C1GALT1: variants seen among roughly 807,000 people sequenced by gnomAD.
C1GALT1 encodes the protein glycoprotein-N-acetylgalactosamine 3-beta-galactosyltransferase 1.
C1GALT1 carries 11 observed loss-of-function variants against 31.0 expected under a neutral mutation model. That is an observed-to-expected ratio of 0.36 (90% CI 0.22 to 0.59). The LOEUF is 0.59. Ranked by LOEUF, C1GALT1 falls within the 20% of genes least tolerant of loss-of-function variation. C1GALT1 has a pLI of 0.79. For synonymous variants in C1GALT1, 175 were observed against 143.6 expected, an observed-to-expected ratio of 1.22 and a Z score of -1.56; for missense variants, 424 against 425.2, an observed-to-expected ratio of 1.00 and a Z score of 0.03.
At chr7:7,189,483 C>A (rs76603002) in intron 1 of C1GALT1, among the ~76,000 whole-genome samples, 4,424 of 150,036 alleles carry the variant, frequency 0.029, 127 homozygotes, top group African/African-American at 0.08. Flanking sequence ...AAAATAATAT[C>A]TCTTCATTTG....
At chr7:7,191,514 A>G (rs1353001868) in intron 1 of C1GALT1, among the ~76,000 whole-genome samples, 3 of 152,152 alleles carry the variant, frequency 2.0e-5, no homozygotes, top group African/African-American at 7.2e-5. Flanking sequence ...TTGCTGGATC[A>G]TATGGTAATT....
rs1456666024 is a variant in C1GALT1 at position 7,247,557 on chromosome 7, T to C, written c.*3830T>C. 2 of 152,136 alleles carry C rather than the reference T, an allele frequency of 1.3e-5. No homozygotes were observed. Among genetic ancestry groups the C allele is most frequent in the East Asian group, 1.9e-4 (1 of 5,202 alleles). The allele number at this position is 152,136 out of a possible 1,614,324, so 9.4% of individuals were successfully genotyped here. On this transcript the variant is annotated 3_prime_UTR_variant, in exon 4 of 4. Coordinates refer to ENST00000436587, the MANE Select transcript of C1GALT1 (RefSeq NM_020156.5). ...TGGTTATTTTCACAATTTTCTTGAA[T>C]ATTAATTTTTCACTTCTTTGAGACT...
In C1GALT1 at chr7:7,247,998, T is replaced by C. The variant is rs1447992776; in HGVS notation, c.*4271T>C. Reference sequence around the variant, plus strand: ...AAAGGAAGTAAAGTTATTTGGGTTCTTCCACTCACCCTTTTCTCAAAAACA... The same window carrying C: ...AAAGGAAGTAAAGTTATTTGGGTTCCTCCACTCACCCTTTTCTCAAAAACA... On this transcript the variant is annotated 3_prime_UTR_variant, in exon 4 of 4. Coordinates refer to ENST00000436587, the MANE Select transcript of C1GALT1 (RefSeq NM_020156.5). The C allele has an allele frequency of 2.0e-5, 3 of 152,066 alleles. No individual in the cohort carries two copies. In the East Asian group the frequency reaches 5.8e-4, roughly 29 times the overall value. 9.4% of individuals were successfully genotyped at this position (152,066 alleles called of 1,614,324 possible).
chr7:7,229,792 A>C (rs10278474), intron 1 of C1GALT1, among the ~76,000 whole-genome samples: 1 of 152,044 alleles, frequency 6.6e-6, no homozygotes, highest in Non-Finnish European at 1.5e-5. Context: ...AGACCCCCTC[A>C]TCAGAGAAAA....
intron 1 of C1GALT1, among the ~76,000 whole-genome samples, chr7:7,198,004 T>C (rs987166214): frequency 6.6e-6 from 1 of 152,174 alleles, no homozygotes; most frequent in Non-Finnish European, 1.5e-5. Context: ...GACTTCCTCT[T>C]TTCCTAATTG....
At chr7:7,161,928 A>G (rs952316039) in intron 2 of C1GALT1, among the ~76,000 whole-genome samples, 5 of 152,122 alleles carry the variant, frequency 3.3e-5, no homozygotes, top group African/African-American at 9.7e-5. Context: ...TACTGAAAGT[A>G]CTTCAAAATT....
intron 2 of C1GALT1, among the ~76,000 whole-genome samples, chr7:7,173,606 A>G (rs1408699794): frequency 1.3e-5 from 2 of 152,222 alleles, no homozygotes; most frequent in African/African-American, 4.8e-5. Context: ...TGCTATAACA[A>G]AATAGTACAG....
chr7:7,239,082 G>T (rs1268735250), intron 3 of C1GALT1, 160 bp downstream of exon 3: 3 of 620,962 alleles, frequency 4.8e-6, no homozygotes, highest in Non-Finnish European at 8.3e-6. Flanking sequence ...ATGAGAACAG[G>T]GACATCAGCA....
intron 1 of C1GALT1, among the ~76,000 whole-genome samples, chr7:7,215,856 A>C (rs928527604): frequency 2.6e-5 from 4 of 152,030 alleles, no homozygotes; most frequent in African/African-American, 9.7e-5. Context: ...GTCTCTGTAT[A>C]CCTATTTCGG....
chr7:7,180,741 T>C (rs117138245), upstream of C1GALT1, among the ~76,000 whole-genome samples: 5,467 of 152,302 alleles, frequency 0.036, 146 homozygotes, highest in Non-Finnish European at 0.056. Context: ...ACAATAGTTA[T>C]TAGCTGGGTG....
At chr7:7,196,203 TCCCTCCC>T in intron 1 of C1GALT1, among the ~76,000 whole-genome samples, 1 of 140,530 alleles carries the variant, frequency 7.1e-6, no homozygotes, top group East Asian at 2.3e-4. Flanking sequence ...CCTAATGCTA[TCCCTCCC>T]CCCTCCCCCA....
Position 7,238,305 on chromosome 7 carries a change from T to C in C1GALT1, c.271T>C (p.Cys91Arg). The change falls in exon 3 of 4, where the codon TGC (cysteine) becomes CGC (arginine). Residue 91 changes from cysteine (C) to arginine (R), a missense_variant. By Grantham distance (180) the Cys-to-Arg change is radical. This residue lies in a region of C1GALT1 where 189 missense variants were observed against 158.2 expected (regional missense o/e 1.19). Transcript: ENST00000436587. The surrounding 1 kb of genome is among the most constrained non-coding windows in gnomAD (Gnocchi z 5.2). The part of the protein sequence containing the change: ...ENLYQKVRIL[C>R]WVMTGPQNLE... ...CCTCTATCAGAAAGTTAGAATTCTT[T>C]GCTGGGTTATGACCGGCCCTCAAAA... The C allele has an allele frequency of 3.1e-6, 5 of 1,611,906 alleles. No homozygotes were observed. Among genetic ancestry groups the C allele is most frequent in the East Asian group, 2.2e-5 (1 of 44,874 alleles).
intron 2 of C1GALT1, among the ~76,000 whole-genome samples, chr7:7,176,658 A>G (rs1780509148): frequency 6.6e-6 from 1 of 152,018 alleles, no homozygotes; most frequent in African/African-American, 2.4e-5. Context: ...TCGAGGTTAA[A>G]TGTATTTCCT....
At chr7:7,181,174 C>T (rs1780575615), upstream of C1GALT1, among the ~76,000 whole-genome samples, 1 of 113,696 alleles carries the variant, frequency 8.8e-6, no homozygotes, top group Non-Finnish European at 1.9e-5. Context: ...TTCCATGTTT[C>T]ACAATGGATG....
chr7:7,235,886 C>A (rs1333651175), intron 2 of C1GALT1, among the ~76,000 whole-genome samples: 1 of 152,148 alleles, frequency 6.6e-6, no homozygotes, highest in African/African-American at 2.4e-5. Context: ...TGCTACTTTA[C>A]CATTTTTCAT....
intron 2 of C1GALT1, among the ~76,000 whole-genome samples, chr7:7,236,550 C>T (rs1341493131): frequency 1.3e-5 from 2 of 152,042 alleles, no homozygotes; most frequent in Non-Finnish European, 2.9e-5. Flanking sequence ...GAGATGGAGT[C>T]TCGCTCTGTC....
chr7:7,214,082 A>G (rs995054291), intron 1 of C1GALT1, among the ~76,000 whole-genome samples: 8 of 152,186 alleles, frequency 5.3e-5, no homozygotes, highest in African/African-American at 1.9e-4. Context: ...CCATCCCTAC[A>G]GTGTATTTTC....
intron 1 of C1GALT1, among the ~76,000 whole-genome samples, chr7:7,196,409 C>A (rs1781290365): frequency 1.3e-5 from 2 of 152,150 alleles, no homozygotes; most frequent in Admixed American, 1.3e-4. Flanking sequence ...TGTTTTATGG[C>A]TATATAGTAT....
At chr7:7,200,184 G>A (rs554103399) in intron 1 of C1GALT1, among the ~76,000 whole-genome samples, 5 of 152,212 alleles carry the variant, frequency 3.3e-5, no homozygotes, top group Non-Finnish European at 7.3e-5. Context: ...GGTACGGGTT[G>A]TTCCTTTCCA....
Sources: gnomAD v4.1 joint callset for allele counts (sites outside exome capture counted in the v4.1 genomes callset) on GRCh38, gnomAD v4.1.1 for gene constraint, gnomAD v4.1.1 regional missense constraint, Gnocchi (gnomAD v3.1) non-coding constraint, MANE v1.5 for transcripts, NCBI Gene and HGNC (gene_info 2026-07-23, HGNC 2026-07-21) for gene names.